CHADL: variants seen among roughly 807,000 people sequenced by gnomAD.
CHADL encodes chondroadherin-like protein.
Under a neutral mutation model 52.1 loss-of-function variants are expected in CHADL, and 48 were observed. That is an observed-to-expected ratio of 0.92 (90% CI 0.73 to 1.17). CHADL has a LOEUF of 1.17. CHADL is among the 50% of genes most tolerant of loss of function. The pLI, the probability that CHADL is intolerant of heterozygous loss-of-function variation, is 0.00. For missense variants in CHADL, 977 were observed against 1,035.1 expected (o/e 0.94, Z 0.77); for synonymous variants, 498 against 511.2 (o/e 0.97, Z 0.35).
At chr22:41,233,443 C>T (rs1263233921) in intron 5 of CHADL, among the ~76,000 whole-genome samples, 1 of 151,324 alleles carries the variant, frequency 6.6e-6, no homozygotes, top group Admixed American at 6.6e-5. Context: ...GCCTGGGCAA[C>T]AAGAGCAAAA....
rs889633290 is a variant in CHADL at position 41,238,605 on chromosome 22, G to T, written c.467C>A (p.Ala156Glu). The T allele has an allele frequency of 6.5e-7, 1 of 1,544,982 alleles. No homozygotes were observed. The change falls in exon 3 of 6, where the codon GCA (alanine) becomes GAA (glutamate). Residue 156 changes from alanine to glutamate, a missense_variant. By Grantham distance (107) the Ala-to-Glu change is moderately radical. Coordinates refer to ENST00000216241, the MANE Select transcript of CHADL (RefSeq NM_138481.2). The surrounding 1 kb of genome is among the most constrained non-coding windows in gnomAD (Gnocchi z 4.9). ...GTTTAGCGTGGCCAGCGCACCCAGTGCCCCGAACGTCCCCGGCCGCAGCTC... is the reference window on the plus strand; with the variant it reads ...GTTTAGCGTGGCCAGCGCACCCAGTTCCCCGAACGTCCCCGGCCGCAGCTC... Reference protein sequence around the residue: ...LEELRPGTFGALGALATLNLA... With the variant: ...LEELRPGTFGELGALATLNLA...
intron 5 of CHADL, among the ~76,000 whole-genome samples, chr22:41,234,655 G>A (rs925597685): frequency 1.3e-5 from 2 of 151,948 alleles, no homozygotes; most frequent in Non-Finnish European, 2.9e-5. Context: ...CTGGGCTCAC[G>A]CCATTCTCCT....
rs1361306898 is a variant in CHADL at position 41,239,296 on chromosome 22, G to A, written c.186+147C>T. ...TTTTTATTATTCCCATTTTACAGAAGTGTAAACTGAGGCTCAAAGAGAAGT... is the reference window on the plus strand; with the variant it reads ...TTTTTATTATTCCCATTTTACAGAAATGTAAACTGAGGCTCAAAGAGAAGT... On this transcript the variant is annotated intron_variant, in intron 2 of 5. Transcript: ENST00000216241. 10 of 689,614 alleles carry A rather than the reference G, an allele frequency of 1.5e-5. No homozygotes were observed. The East Asian group carries it at 2.8e-4, about 19-fold the overall frequency. The allele number at this position is 689,614 out of a possible 1,614,324, so 42.7% of individuals were successfully genotyped here. A position where few individuals can be genotyped will look rare whatever the true frequency, so the allele number is the denominator to read the frequency against.
Position 41,237,968 on chromosome 22 carries a change from C to T in CHADL, c.1104G>A (p.Leu368=). 1 of 1,261,514 alleles carries T rather than the reference C, an allele frequency of 7.9e-7. No individual in the cohort carries two copies. 78.1% of individuals were successfully genotyped at this position (1,261,514 alleles called of 1,614,324 possible). ...GGGGCCCGGCCACAGCCCGCTCTTC[C>T]AGCTCTTCCTCTTCCTGCGCCGCGT... The part of the protein sequence containing the change: ...PGDAAQEEEE[L]EERAVAGPRA... Residue 368 remains leucine, a synonymous_variant, in exon 3 of 6, where the codon CTG becomes CTA. Coordinates refer to ENST00000216241, the MANE Select transcript of CHADL (RefSeq NM_138481.2).
chr22:41,240,885 G>A lies in CHADL; in HGVS notation c.-4C>T, dbSNP rs538730563. 2.6e-5 allele frequency: 40 copies of A among 1,549,888 alleles called. No homozygotes were observed. Among genetic ancestry groups the A allele is most frequent in the East Asian group, 2.0e-4 (8 of 40,828 alleles). On this transcript the variant is annotated 5_prime_UTR_variant, in exon 1 of 6. Transcript: ENST00000216241. Reference sequence around the variant, plus strand: ...GCCCAAAGACTCACCCCTCCATGCCGCCTGGAACTGCTGGTCCAGCCTGGA... The same window carrying A: ...GCCCAAAGACTCACCCCTCCATGCCACCTGGAACTGCTGGTCCAGCCTGGA...
At chr22:41,236,412 G>A in intron 4 of CHADL, 72 bp downstream of exon 4, 3 of 1,360,084 alleles carry the variant, frequency 2.2e-6, no homozygotes, top group Non-Finnish European at 3.1e-6. Context: ...TGGTGTGCCT[G>A]GGGAGATGAC....
Position 41,239,533 on chromosome 22 carries a change from G to C in CHADL, c.96C>G (p.Arg32=). The change falls in exon 2 of 6, where the codon CGC becomes CGG. Residue 32 remains arginine, a synonymous_variant. Transcript: ENST00000216241. ...LAPARQAAAQ[R]CPQACICDNS... Reference sequence around the variant, plus strand: ...TGTCACAGATGCAGGCCTGTGGGCAGCGCTGGGCGGCGGCCTGCCTAGCCG... The same window carrying C: ...TGTCACAGATGCAGGCCTGTGGGCACCGCTGGGCGGCGGCCTGCCTAGCCG... The C allele has an allele frequency of 6.5e-7, 1 of 1,549,616 alleles. No individual in the cohort carries two copies. Among genetic ancestry groups the C allele is most frequent in the Middle Eastern group, 1.7e-4 (1 of 5,984 alleles).
intron 5 of CHADL, among the ~76,000 whole-genome samples, chr22:41,233,473 AG>A (rs1184445045): frequency 5.9e-5 from 9 of 151,886 alleles, no homozygotes; most frequent in South Asian, 4.2e-4. Flanking sequence ...AGAAAAAAAA[AG>A]GGGGGGTGGA....
In CHADL at chr22:41,237,871, C is replaced by G; in HGVS notation, c.1201G>C (p.Val401Leu). The change falls in exon 3 of 6, where the codon GTG becomes CTG. Residue 401 changes from valine (V) to leucine (L), a missense_variant. Transcript: ENST00000216241. ...RAVAPCPRAC[V>L]CVPESRHSSC... ...CTGTGCCGGGACTCGGGGACGCACACGCAGGCGCGAGGGCAAGGCGCGACT... is the reference window on the plus strand; with the variant it reads ...CTGTGCCGGGACTCGGGGACGCACAGGCAGGCGCGAGGGCAAGGCGCGACT... 1 of 1,373,298 alleles carries G rather than the reference C, an allele frequency of 7.3e-7. No homozygotes were observed. The highest frequency in any genetic ancestry group is 9.4e-7 in the Non-Finnish European group (1 of 1,065,006). 85.1% of individuals were successfully genotyped at this position (1,373,298 alleles called of 1,614,324 possible).
At position 41,238,360 on chromosome 22, in the gene CHADL, C is replaced by A; in HGVS notation, c.712G>T (p.Gly238Cys). 6.7e-7 allele frequency: 1 copy of A among 1,503,276 alleles called. No homozygotes were observed. The highest frequency in any genetic ancestry group is 1.3e-5 in the South Asian group (1 of 79,698). The allele number at this position is 1,503,276 out of a possible 1,614,324, so 93.1% of individuals were successfully genotyped here. The stretch of plus-strand genomic sequence containing the variant: ...CCCGCGTAGGTGAGCGGGTTGTGGC[C>A]CAGCTCCAGACGGGCCAGGCCGCGG... Reference protein sequence around the residue: ...QARGLARLELGHNPLTYAGEE... With the variant: ...QARGLARLELCHNPLTYAGEE... Residue 238 changes from glycine to cysteine, a missense_variant, in exon 3 of 6, where the codon GGC becomes TGC. Gly to Cys is a radical substitution (Grantham distance 159). Transcript: ENST00000216241. This position sits in a 1 kb window ranked among gnomAD's most constrained non-coding sequence, Gnocchi z 4.9.
rs779888143 is a variant in CHADL at position 41,235,238 on chromosome 22, C to T, written c.2169G>A (p.Pro723=). ...GCTTGGCCTTTCTGGCAGCCCAGCC[C>T]GGGCAGTCTTCAAAGACAGCAGCTG... is the stretch of plus-strand genomic sequence containing the variant. ...KAAAAVFEDC[P]GWAARKAKRT... The change falls in exon 5 of 6, where the codon CCG becomes CCA. Residue 723 remains proline, a synonymous_variant. Transcript: ENST00000216241. 38 of 1,551,290 alleles carry T rather than the reference C, an allele frequency of 2.4e-5. No individual in the cohort carries two copies. The South Asian group carries it at 3.2e-4, about 13-fold the overall frequency.
Position 41,237,752 on chromosome 22 carries a change from C to T in CHADL, c.1320G>A (p.Val440=). ...LDLRRNHFPS[V]PRAAFPGLGH... is the part of the protein sequence containing the mutation. ...CCAGGCCGGGGAAGGCCGCTCGGGG[C>T]ACCGAGGGGAAGTGGTTCCGCCTCA... The change falls in exon 3 of 6, where the codon GTG becomes GTA. Residue 440 remains valine (V), a synonymous_variant. Transcript: ENST00000216241. 2 of 1,539,168 alleles carry T rather than the reference C, an allele frequency of 1.3e-6. No homozygotes were observed. The highest frequency in any genetic ancestry group is 1.8e-6 in the Non-Finnish European group (2 of 1,142,388).
chr22:41,239,643 GT>G (rs1569160400), intron 1 of CHADL, 23 bp from the exon 2 acceptor site: 1 of 1,506,858 alleles, frequency 6.6e-7, no homozygotes. Flanking sequence ...GGGAGAGTCT[GT>G]TGTGCACAAG....
intron 5 of CHADL, among the ~76,000 whole-genome samples, chr22:41,234,526 C>T (rs1219736487): frequency 8.6e-5 from 13 of 151,626 alleles, no homozygotes; most frequent in Admixed American, 3.9e-4. Flanking sequence ...GGATTACAGG[C>T]GCCCGCCACC....
chr22:41,238,095 G>GCGCCCGCT lies in CHADL; in HGVS notation c.976_977insAGCGGGCG (p.Ala326GlufsTer110), dbSNP rs2032782382. ...GCCGTCCGAGCGCACGCGCGCCCGCGCCAGCCACTCGAGTAGGGGCCGCGC... is the reference window on the plus strand; with the variant it reads ...GCCGTCCGAGCGCACGCGCGCCCGCGCGCCCGCTCCAGCCACTCGAGTAGGGGCCGCGC... On this transcript the variant is annotated frameshift_variant, in exon 3 of 6. Coordinates refer to ENST00000216241, the MANE Select transcript of CHADL (RefSeq NM_138481.2). LOFTEE classifies it high-confidence loss of function. The surrounding 1 kb of genome is among the most constrained non-coding windows in gnomAD (Gnocchi z 4.9). 1.3e-5 allele frequency: 17 copies of GCGCCCGCT among 1,293,500 alleles called. No individual in the cohort carries two copies. The highest frequency in any genetic ancestry group is 1.7e-5 in the Non-Finnish European group (17 of 1,030,024). The allele number at this position is 1,293,500 out of a possible 1,614,324, so 80.1% of individuals were successfully genotyped here.
At chr22:41,236,780 G>A (rs2032749043) in intron 3 of CHADL, 130 bp from the exon 4 acceptor site, 6 of 917,304 alleles carry the variant, frequency 6.5e-6, no homozygotes, top group Non-Finnish European at 9.6e-6. Context: ...GCCAGGAAGT[G>A]CAGCGCTGGG....
chr22:41,235,947 C>G (rs1019087585), intron 4 of CHADL, among the ~76,000 whole-genome samples: 3 of 152,174 alleles, frequency 2.0e-5, no homozygotes, highest in Non-Finnish European at 4.4e-5. Flanking sequence ...TCTCAGCTCA[C>G]AGCAACCTCT....
chr22:41,234,334 G>A (rs987276898), intron 5 of CHADL, among the ~76,000 whole-genome samples: 3 of 151,684 alleles, frequency 2.0e-5, no homozygotes, highest in Non-Finnish European at 4.4e-5. Flanking sequence ...AGAGGTGGGG[G>A]CAGGGAGGAG....
At chr22:41,230,397 G>A (rs2032520766) in intron 5 of CHADL, 8 of 651,306 alleles carry the variant, frequency 1.2e-5, no homozygotes, top group Non-Finnish European at 2.2e-5. Context: ...GGACGGTGGA[G>A]GACCTGCTGG....
Sources: allele counts gnomAD v4.1 joint callset (sites outside exome capture counted in the v4.1 genomes callset), GRCh38; gene constraint gnomAD v4.1.1; non-coding constraint Gnocchi (gnomAD v3.1); transcripts MANE v1.5; gene names NCBI Gene and HGNC (gene_info 2026-07-23, HGNC 2026-07-21).